Variants in GRIK1 observed in about 807,000 individuals in gnomAD.
GRIK1 encodes the protein glutamate receptor ionotropic, kainate 1.
A neutral mutation model predicts 105.7 loss-of-function variants in GRIK1; 69 were observed. The observed-to-expected ratio is 0.65, with a 90% CI of 0.54 to 0.80. The LOEUF is 0.80. GRIK1 is among the 30% of genes least tolerant of loss of function. The pLI is 0.00. For synonymous variants in GRIK1, 438 were observed against 431.3 expected (o/e 1.02, Z -0.19); for missense variants, 1,109 against 1,167.3 (o/e 0.95, Z 0.73).
At chr21:29,902,795 T>A (rs770897958) in intron 1 of GRIK1, among the ~76,000 whole-genome samples, 4 of 152,140 alleles carry the variant, frequency 2.6e-5, no homozygotes. Flanking sequence ...AAACTTCATA[T>A]GGAACCAAAA....
chr21:29,712,654 T>G (rs1187855348), intron 1 of GRIK1, among the ~76,000 whole-genome samples: 1 of 152,224 alleles, frequency 6.6e-6, no homozygotes, highest in African/African-American at 2.4e-5. Flanking sequence ...ATGATTTTAT[T>G]GTATTTCGTT....
intron 1 of GRIK1, chr21:29,861,574 TG>T: frequency 4.9e-6 from 1 of 206,028 alleles, no homozygotes; most frequent in South Asian, 4.5e-5. Flanking sequence ...TCCCAAAGTG[TG>T]GGATTATAGG....
chr21:29,709,038 G>A (rs1017714411), intron 1 of GRIK1, among the ~76,000 whole-genome samples: 20 of 151,976 alleles, frequency 1.3e-4, no homozygotes, highest in African/African-American at 4.8e-4. Context: ...ATATATAACT[G>A]TATACCACAT....
At chr21:29,614,036 A>AT (rs1430900289) in intron 7 of GRIK1, among the ~76,000 whole-genome samples, 2 of 152,192 alleles carry the variant, frequency 1.3e-5, no homozygotes, top group African/African-American at 4.8e-5. Context: ...CCATATCCTC[A>AT]TAGGTCATTC....
intron 3 of GRIK1, among the ~76,000 whole-genome samples, chr21:29,689,434 A>G (rs2063543200): frequency 6.6e-6 from 1 of 152,226 alleles, no homozygotes; most frequent in South Asian, 2.1e-4. Context: ...GAAAAATGAA[A>G]ATACATGTTT....
At chr21:29,909,364 ATG>A (rs2070740276) in intron 1 of GRIK1, among the ~76,000 whole-genome samples, 1 of 152,004 alleles carries the variant, frequency 6.6e-6, no homozygotes, top group Non-Finnish European at 1.5e-5. Flanking sequence ...ATAGTAGTTA[ATG>A]CAAGCAAAAC....
intron 1 of GRIK1, chr21:29,748,742 A>G (rs1256886439): frequency 6.6e-6 from 1 of 152,250 alleles, no homozygotes; most frequent in Non-Finnish European, 1.5e-5. Flanking sequence ...ACTGGTAGAA[A>G]CAATTGCTCT....
intron 1 of GRIK1, among the ~76,000 whole-genome samples, chr21:29,776,644 A>T (rs1381121152): frequency 3.3e-5 from 5 of 152,202 alleles, no homozygotes; most frequent in Non-Finnish European, 5.9e-5. Flanking sequence ...TATTTTTAAT[A>T]TTTTAACTCC....
chr21:29,669,540 T>C lies in GRIK1; in HGVS notation c.726+3443A>G, dbSNP rs577874861. ...CATTCTGCTTGGGGGCCCTTCAGAGTAAAGTGAGCACACAGGCTCTGAGAT... is the reference window on the plus strand; with the variant it reads ...CATTCTGCTTGGGGGCCCTTCAGAGCAAAGTGAGCACACAGGCTCTGAGAT... On this transcript the variant is annotated intron_variant, in intron 4 of 17. Coordinates refer to ENST00000327783, the MANE Select transcript of GRIK1 (RefSeq NM_001330994.2). 1.7e-4 allele frequency among the ~76,000 whole-genome samples: 26 copies of C among 152,156 alleles called. No individual in the cohort carries two copies. The South Asian group carries it at 5.4e-3, about 32-fold the overall frequency.
chr21:29,843,142 G>A (rs1414667447), intron 1 of GRIK1, among the ~76,000 whole-genome samples: 1 of 152,092 alleles, frequency 6.6e-6, no homozygotes, highest in African/African-American at 2.4e-5. Flanking sequence ...CTTGTCAGTA[G>A]GCTCACGTTG....
intron 1 of GRIK1, among the ~76,000 whole-genome samples, chr21:29,854,517 A>C (rs565291366): frequency 5.9e-5 from 9 of 152,270 alleles, no homozygotes; most frequent in Admixed American, 2.0e-4. Context: ...GAGAAAAAAA[A>C]ACAAGAAATT....
chr21:29,827,167 CTT>C (rs1045418357), intron 1 of GRIK1, among the ~76,000 whole-genome samples: 15 of 152,136 alleles, frequency 9.9e-5, no homozygotes, highest in African/African-American at 3.4e-4. Flanking sequence ...AAAAGCCTAA[CTT>C]AATAAAGAAA....
chr21:29,918,018 T>C (rs2071058432), intron 1 of GRIK1, among the ~76,000 whole-genome samples: 1 of 151,980 alleles, frequency 6.6e-6, no homozygotes, highest in Non-Finnish European at 1.5e-5. Context: ...GATGAACTAA[T>C]AGATGAGTGG....
At chr21:29,817,604 T>C (rs983579572) in intron 1 of GRIK1, among the ~76,000 whole-genome samples, 1 of 152,226 alleles carries the variant, frequency 6.6e-6, no homozygotes, top group South Asian at 2.1e-4. Flanking sequence ...TTTCTCGAGC[T>C]GCTGTCTTCC....
intron 1 of GRIK1, among the ~76,000 whole-genome samples, chr21:29,858,523 C>T (rs916909427): frequency 2.6e-5 from 4 of 152,278 alleles, no homozygotes; most frequent in Middle Eastern, 3.4e-3. Context: ...CTTATTTCCT[C>T]TCAGTGCTAG....
chr21:29,869,035 G>A (rs2068922259), intron 1 of GRIK1, among the ~76,000 whole-genome samples: 1 of 152,210 alleles, frequency 6.6e-6, no homozygotes, highest in African/African-American at 2.4e-5. Context: ...CATCACCTGT[G>A]TGGGCAGCAA....
chr21:29,776,926 ACT>A (rs1020196402), intron 1 of GRIK1, among the ~76,000 whole-genome samples: 1 of 152,122 alleles, frequency 6.6e-6, no homozygotes, highest in African/African-American at 2.4e-5. Flanking sequence ...ACCCTCATAA[ACT>A]CTGTCTACCG....
chr21:29,779,331 AGTGAGT>A (rs770745517), intron 1 of GRIK1, among the ~76,000 whole-genome samples: 1 of 80,516 alleles, frequency 1.2e-5, no homozygotes, highest in East Asian at 3.4e-4. Flanking sequence ...GAGGTCAGTG[AGTGAGT>A]GTGTGTGTGT....
intron 1 of GRIK1, among the ~76,000 whole-genome samples, chr21:29,930,050 T>G (rs927773653): frequency 6.6e-6 from 1 of 152,208 alleles, no homozygotes; most frequent in African/African-American, 2.4e-5. Flanking sequence ...TATACTGTTA[T>G]TTTCTTAACC....
Sources: allele counts gnomAD v4.1 joint callset (sites outside exome capture counted in the v4.1 genomes callset), GRCh38; gene constraint gnomAD v4.1.1; transcripts MANE v1.5; gene names NCBI Gene and HGNC (gene_info 2026-07-23, HGNC 2026-07-21).